The following PTPRQ variants were observed in gnomAD, a reference collection of about 807,000 sequenced individuals.
The protein encoded by PTPRQ is phosphatidylinositol phosphatase PTPRQ.
A neutral mutation model predicts 246.0 loss-of-function variants in PTPRQ; 199 were observed. The ratio of observed to expected loss-of-function variants is 0.81; its 90% confidence interval spans 0.72 to 0.91. PTPRQ has a LOEUF of 0.91. PTPRQ is among the 40% of genes least tolerant of loss of function. PTPRQ has a pLI of 0.00. For synonymous variants in PTPRQ, 869 were observed against 853.2 expected (o/e 1.02, Z -0.32); for missense variants, 2,624 against 2,528.4 (o/e 1.04, Z -0.81).
intron 8 of PTPRQ, among the ~76,000 whole-genome samples, chr12:80,479,858 C>A (rs1034549995): frequency 1.3e-5 from 2 of 152,004 alleles, no homozygotes; most frequent in African/African-American, 2.4e-5. Context: ...TACAGGAGCA[C>A]CCAGATTCAT....
rs185226200 is a variant in PTPRQ, at chr12:80,524,334, G to A, written c.2679-9681G>A. 2.4e-3 allele frequency among the ~76,000 whole-genome samples: 371 copies of A among 152,048 alleles called. 1 individual carries two copies. The highest frequency in any genetic ancestry group is 3.2e-3 in the African/African-American group (133 of 41,502). ...GGTTTTACAAGGGGTTTCCCCTTTCGCTTGGCTTTCATCCTTTCTTGCCTG... is the reference window on the plus strand; with the variant it reads ...GGTTTTACAAGGGGTTTCCCCTTTCACTTGGCTTTCATCCTTTCTTGCCTG... On this transcript the variant is annotated intron_variant, in intron 17 of 44. Transcript: ENST00000644991.
At chr12:80,478,481 C>T (rs1191236733) in intron 8 of PTPRQ, among the ~76,000 whole-genome samples, 1 of 152,166 alleles carries the variant, frequency 6.6e-6, no homozygotes, top group Non-Finnish European at 1.5e-5. Context: ...GCCTCTCCTC[C>T]TCCAAAGGAA....
intron 14 of PTPRQ, among the ~76,000 whole-genome samples, chr12:80,498,672 G>A (rs1240039832): frequency 6.6e-6 from 1 of 152,052 alleles, no homozygotes; most frequent in African/African-American, 2.4e-5. Context: ...TCTGTTCATT[G>A]TTACACTGAT....
Position 80,484,538 on chromosome 12 carries a change from G to T in PTPRQ, c.1292G>T (p.Arg431Leu). Reference protein sequence around the residue: ...RQPNGIINQYRVKVLVPETGI... With the variant: ...RQPNGIINQYLVKVLVPETGI... ...CCAAATGGAATTATTAACCAATACC[G>T]AGTGAAAGTGCTAGTTCCAGAGACA... The change falls in exon 9 of 45, where the codon CGA (arginine) becomes CTA (leucine). Residue 431 changes from arginine (R) to leucine (L), a missense_variant. Arg to Leu is a moderately radical substitution (Grantham distance 102). Coordinates refer to ENST00000644991, the MANE Select transcript of PTPRQ (RefSeq NM_001145026.2). The T allele has an allele frequency of 1.9e-6, 3 of 1,550,908 alleles. No homozygotes were observed. Among genetic ancestry groups the T allele is most frequent in the Non-Finnish European group, 2.6e-6 (3 of 1,146,798 alleles).
At chr12:80,486,092 T>C (rs910233067) in intron 9 of PTPRQ, among the ~76,000 whole-genome samples, 1 of 152,174 alleles carries the variant, frequency 6.6e-6, no homozygotes, top group Admixed American at 6.6e-5. Flanking sequence ...CTGAGCTCTC[T>C]GAACATCAGT....
chr12:80,447,263 A>T (rs995656106), intron 3 of PTPRQ, among the ~76,000 whole-genome samples: 1 of 150,980 alleles, frequency 6.6e-6, no homozygotes, highest in Admixed American at 6.6e-5. Flanking sequence ...TTCTCCTTGT[A>T]TTGTTTTCAT....
At chr12:80,516,671 A>G (rs1895309119) in intron 17 of PTPRQ, among the ~76,000 whole-genome samples, 1 of 152,232 alleles carries the variant, frequency 6.6e-6, no homozygotes, top group African/African-American at 2.4e-5. Flanking sequence ...CTAAAAAAGT[A>G]TACCTACTCT....
At chr12:80,597,112 C>A (rs1897995015) in intron 26 of PTPRQ, among the ~76,000 whole-genome samples, 1 of 151,858 alleles carries the variant, frequency 6.6e-6, no homozygotes. Flanking sequence ...AATCATCTCC[C>A]AAAACAAATT....
intron 30 of PTPRQ, among the ~76,000 whole-genome samples, chr12:80,617,837 G>C (rs1238399399): frequency 6.6e-6 from 1 of 151,442 alleles, no homozygotes; most frequent in East Asian, 1.9e-4. Flanking sequence ...AAGTTGGATA[G>C]TAATGTCCAA....
chr12:80,647,658 T>G (rs755038456), intron 35 of PTPRQ, among the ~76,000 whole-genome samples: 3 of 152,192 alleles, frequency 2.0e-5, no homozygotes, highest in Non-Finnish European at 4.4e-5. Flanking sequence ...TCAAAGATTC[T>G]TCTCATTTGG....
chr12:80,668,043 A>G (rs1900842072), intron 39 of PTPRQ, among the ~76,000 whole-genome samples: 1 of 151,978 alleles, frequency 6.6e-6, no homozygotes, highest in South Asian at 2.1e-4. Context: ...ATTTAAATAT[A>G]TGTTATTTTT....
intron 23 of PTPRQ, among the ~76,000 whole-genome samples, chr12:80,545,737 AATTATTATTTTAAAATAATAATAATTT>A (rs1385045428): frequency 6.7e-6 from 1 of 148,918 alleles, no homozygotes; most frequent in African/African-American, 2.4e-5. Flanking sequence ...GATATTTTAA[AATTATTATTTTAAAATAATAATAATTT>A]ATTATTATTA....
intron 3 of PTPRQ, chr12:80,454,490 C>G: frequency 1.4e-6 from 1 of 702,482 alleles, no homozygotes; most frequent in African/African-American, 1.7e-5. Flanking sequence ...TCTGGCTAGG[C>G]CTTCCAGTAC....
chr12:80,653,964 A>G (rs1033218460), intron 38 of PTPRQ, among the ~76,000 whole-genome samples: 6 of 151,702 alleles, frequency 4.0e-5, no homozygotes, highest in African/African-American at 1.5e-4. Flanking sequence ...GAGCAAGATA[A>G]CAAGACTCAG....
At chr12:80,616,072 A>G in intron 29 of PTPRQ, 128 bp from the exon 30 acceptor site, 1 of 476,106 alleles carries the variant, frequency 2.1e-6, no homozygotes, top group Non-Finnish European at 2.9e-6. Flanking sequence ...TGTAACCATA[A>G]TCAGTTTTAT....
chr12:80,646,690 G>T lies in PTPRQ; in HGVS notation c.5916-2207G>T, dbSNP rs540801630. Among the ~76,000 whole-genome samples the T allele has an allele frequency of 2.0e-4, 30 of 152,078 alleles. No homozygotes were observed. The South Asian group carries it at 6.2e-3, about 32-fold the overall frequency. On this transcript the variant is annotated intron_variant, in intron 35 of 44. Coordinates refer to ENST00000644991, the MANE Select transcript of PTPRQ (RefSeq NM_001145026.2). Reference sequence around the variant, plus strand: ...TGTGGGTTAGGCACCAATGACATCTGCACAAACTTTTAAAAATCTGAATTT... The same window carrying T: ...TGTGGGTTAGGCACCAATGACATCTTCACAAACTTTTAAAAATCTGAATTT...
chr12:80,542,121 A>T lies in PTPRQ; in HGVS notation c.3478A>T (p.Lys1160Ter), dbSNP rs1307546672. ...PETSPIINTF[K>*]NLSSTSVLLS... The stretch of plus-strand genomic sequence containing the variant: ...AACTTCACCAATAATCAACACTTTT[A>T]AAAACCTTTCCTCTACCTCAGTTCT... Residue 1160 changes from lysine (K) to a stop codon, truncating the protein, a stop_gained, in exon 22 of 45, where the codon AAA (lysine) becomes TAA (stop). Coordinates refer to ENST00000644991, the MANE Select transcript of PTPRQ (RefSeq NM_001145026.2). LOFTEE classifies it high-confidence loss of function. 3.2e-6 allele frequency: 5 copies of T among 1,549,588 alleles called. No individual in the cohort carries two copies. The highest frequency in any genetic ancestry group is 4.4e-6 in the Non-Finnish European group (5 of 1,146,398).
Position 80,657,631 on chromosome 12 carries a change from T to C in PTPRQ, c.6116-354T>C, listed in dbSNP as rs146875661. 3.1e-3 allele frequency among the ~76,000 whole-genome samples: 470 copies of C among 151,954 alleles called. 1 individual carries two copies. The highest frequency in any genetic ancestry group is 0.011 in the African/African-American group (443 of 41,522). Reference sequence around the variant, plus strand: ...TATATATTCAAACAGTGAAATACTGTATAGCTTTTAAAAATAATTAACTAC... The same window carrying C: ...TATATATTCAAACAGTGAAATACTGCATAGCTTTTAAAAATAATTAACTAC... On this transcript the variant is annotated intron_variant, in intron 38 of 44. Transcript: ENST00000644991.
intron 43 of PTPRQ, among the ~76,000 whole-genome samples, chr12:80,678,212 T>C (rs915951328): frequency 6.6e-6 from 1 of 152,208 alleles, no homozygotes; most frequent in Non-Finnish European, 1.5e-5. Context: ...ATTTCAAAAG[T>C]AAATTTAGCA....
Sources: gnomAD v4.1 joint callset for allele counts (sites outside exome capture counted in the v4.1 genomes callset) on GRCh38, gnomAD v4.1.1 for gene constraint, MANE v1.5 for transcripts, NCBI Gene and HGNC (gene_info 2026-07-23, HGNC 2026-07-21) for gene names.